Variants in RPTOR observed in about 807,000 individuals in gnomAD.
RPTOR encodes the protein regulatory-associated protein of mTOR.
A neutral mutation model predicts 169.9 loss-of-function variants in RPTOR; 21 were observed. The observed-to-expected ratio is 0.12, with a 90% confidence interval of 0.09 to 0.18. The LOEUF (loss-of-function observed/expected upper bound fraction) is 0.18, where lower values mean the gene tolerates loss of function less well. RPTOR is among the 10% of genes least tolerant of loss of function. RPTOR has a pLI of 1.00. For missense variants in RPTOR, 1,133 were observed against 1,855.9 expected (o/e 0.61, Z 7.16); for synonymous variants, 732 against 753.2 (o/e 0.97, Z 0.46).
chr17:80,799,511 A>G (rs1294635111), intron 7 of RPTOR, among the ~76,000 whole-genome samples: 2 of 152,194 alleles, frequency 1.3e-5, no homozygotes, highest in Admixed American at 6.5e-5. Context: ...AACTCACCAC[A>G]TGGAAATTTC....
chr17:80,817,426 C>T (rs561243680), intron 7 of RPTOR, among the ~76,000 whole-genome samples: 28 of 151,986 alleles, frequency 1.8e-4, no homozygotes, highest in African/African-American at 6.0e-4. Flanking sequence ...TCATGTGTTG[C>T]GTCTCCTGAG....
intron 3 of RPTOR, among the ~76,000 whole-genome samples, chr17:80,671,999 G>A (rs1567849951): frequency 6.6e-6 from 1 of 152,084 alleles, no homozygotes; most frequent in Non-Finnish European, 1.5e-5. Context: ...TGAATCTATT[G>A]CTTCTTTTTA....
chr17:80,855,659 A>G (rs2067843950), intron 12 of RPTOR, 112 bp downstream of exon 12: 1 of 818,034 alleles, frequency 1.2e-6, no homozygotes, highest in African/African-American at 1.7e-5. Context: ...CAGCCGTGAG[A>G]CCCAGGGCGA....
chr17:80,841,157 G>C (rs796302254), intron 10 of RPTOR, among the ~76,000 whole-genome samples: 24 of 62,396 alleles, frequency 3.8e-4, no homozygotes, highest in Non-Finnish European at 6.3e-4. Flanking sequence ...CTCACCGCAC[G>C]GCAGCTCACT....
At chr17:80,892,583 C>T in intron 18 of RPTOR, 146 bp from the exon 19 acceptor site, 1 of 850,282 alleles carries the variant, frequency 1.2e-6, no homozygotes, top group Non-Finnish European at 1.9e-6. Flanking sequence ...TCTGAGTCTC[C>T]CTGAGCTGTG....
intron 10 of RPTOR, among the ~76,000 whole-genome samples, chr17:80,839,089 A>G (rs1306443094): frequency 6.6e-6 from 1 of 152,224 alleles, no homozygotes; most frequent in Admixed American, 6.5e-5. Flanking sequence ...TGCACACCAC[A>G]GCCGTCAGGG....
intron 4 of RPTOR, among the ~76,000 whole-genome samples, chr17:80,716,423 T>A (rs1242376837): frequency 6.6e-6 from 1 of 152,212 alleles, no homozygotes; most frequent in African/African-American, 2.4e-5. Context: ...GGGATTTTTT[T>A]TTCTTGCTGA....
intron 1 of RPTOR, among the ~76,000 whole-genome samples, chr17:80,553,278 G>A (rs2084367155): frequency 6.6e-6 from 1 of 152,202 alleles, no homozygotes; most frequent in Non-Finnish European, 1.5e-5. Flanking sequence ...CCTGGAGGAG[G>A]AGCATCTGCT....
rs541470427 is a variant in RPTOR at position 80,754,699 on chromosome 17, G to A, written c.830+514G>A. On this transcript the variant is annotated intron_variant, in intron 6 of 33. Coordinates refer to ENST00000306801, the MANE Select transcript of RPTOR (RefSeq NM_020761.3). This position sits in a 1 kb window ranked among gnomAD's most constrained non-coding sequence, Gnocchi z 4.2. Reference sequence around the variant, plus strand: ...GTGATATTCCAAGATGGTAGAAGCCGCATTTCAGCCCCAACATCCCCAGCA... The same window carrying A: ...GTGATATTCCAAGATGGTAGAAGCCACATTTCAGCCCCAACATCCCCAGCA... Among the ~76,000 whole-genome samples, 1 of 152,136 alleles carries A rather than the reference G, an allele frequency of 6.6e-6. No individual in the cohort carries two copies. The highest frequency in any genetic ancestry group is 1.5e-5 in the Non-Finnish European group (1 of 68,026).
At chr17:80,893,459 G>T (rs1009232253) in intron 19 of RPTOR, among the ~76,000 whole-genome samples, 1 of 140,610 alleles carries the variant, frequency 7.1e-6, no homozygotes, top group African/African-American at 2.6e-5. Context: ...GTGTATACGC[G>T]CCAGGTTGTG....
chr17:80,634,420 C>CGT (rs142811881), intron 2 of RPTOR, among the ~76,000 whole-genome samples: 1 of 37,244 alleles, frequency 2.7e-5, no homozygotes, highest in Non-Finnish European at 4.8e-5. Flanking sequence ...GTGTGCATAC[C>CGT]GTGTGTGTGT....
rs530112583 is a variant in RPTOR at position 80,827,584 on chromosome 17, C to T, written c.1136+4361C>T. Reference sequence around the variant, plus strand: ...TGGTTGAAAGCAGTCTCAGGTCCCACCTGCACCCCCAGGGAGGGGCCACAC... The same window carrying T: ...TGGTTGAAAGCAGTCTCAGGTCCCATCTGCACCCCCAGGGAGGGGCCACAC... On this transcript the variant is annotated intron_variant, in intron 9 of 33. Coordinates refer to ENST00000306801, the MANE Select transcript of RPTOR (RefSeq NM_020761.3). Among the ~76,000 whole-genome samples, 66 of 152,278 alleles carry T rather than the reference C, an allele frequency of 4.3e-4. No homozygotes were observed. In the East Asian group the frequency reaches 0.012, roughly 28 times the overall value.
At chr17:80,667,070 A>G (rs758791867) in intron 3 of RPTOR, among the ~76,000 whole-genome samples, 1 of 152,140 alleles carries the variant, frequency 6.6e-6, no homozygotes, top group Non-Finnish European at 1.5e-5. Flanking sequence ...TAACCCCGGG[A>G]GGAAGGCGTT....
intron 24 of RPTOR, among the ~76,000 whole-genome samples, chr17:80,938,272 C>G (rs889404608): frequency 1.3e-5 from 2 of 152,228 alleles, no homozygotes; most frequent in Non-Finnish European, 2.9e-5. Context: ...TTTCTACCCC[C>G]CACGTCTGGA....
At chr17:80,964,195 G>GCCC in intron 33 of RPTOR, 67 bp from the exon 34 acceptor site, 29 of 1,105,606 alleles carry the variant, frequency 2.6e-5, no homozygotes, top group Middle Eastern at 2.0e-4. Flanking sequence ...GTTGGCCTGC[G>GCCC]CCCCCCCGCC....
chr17:80,931,297 G>A lies in RPTOR; in HGVS notation c.2919+5817G>A, dbSNP rs117634171. ...GGGAAGTGAGTTGCCCAGCAGGGAA[G>A]GGAAGAGGTGCCTCCAAGGAGAGCC... is the stretch of plus-strand genomic sequence containing the variant. On this transcript the variant is annotated intron_variant, in intron 24 of 33. Transcript: ENST00000306801. 1.0e-2 allele frequency among the ~76,000 whole-genome samples: 1,518 copies of A among 152,330 alleles called. 13 individuals carry two copies. The highest frequency in any genetic ancestry group is 0.047 in the South Asian group (228 of 4,826).
At position 80,547,159 on chromosome 17, in the gene RPTOR, G is replaced by T. The variant is rs115215854; in HGVS notation, c.162+1368G>T. 7.9e-3 allele frequency among the ~76,000 whole-genome samples: 1,209 copies of T among 152,212 alleles called. 22 individuals are homozygous for T. The highest frequency in any genetic ancestry group is 0.028 in the African/African-American group (1,146 of 41,518). ...TACTGACTTGGCTTACTTCTAAAAG[G>T]TTAGGAAAATTTGTTTCATCCAAAA... On this transcript the variant is annotated intron_variant, in intron 1 of 33. Transcript: ENST00000306801.
intron 3 of RPTOR, among the ~76,000 whole-genome samples, chr17:80,700,703 G>GTGA (rs2066086901): frequency 8.8e-6 from 1 of 113,008 alleles, no homozygotes; most frequent in East Asian, 2.6e-4. Flanking sequence ...GGTGATGGTG[G>GTGA]TGGTGATGGT....
intron 24 of RPTOR, among the ~76,000 whole-genome samples, chr17:80,926,536 T>C (rs1419994345): frequency 2.6e-5 from 4 of 152,156 alleles, no homozygotes; most frequent in Non-Finnish European, 4.4e-5. Context: ...AGAACGAAAA[T>C]TGAGATTCAC....
Sources: allele counts gnomAD v4.1 joint callset (sites outside exome capture counted in the v4.1 genomes callset), GRCh38; gene constraint gnomAD v4.1.1; non-coding constraint Gnocchi (gnomAD v3.1); transcripts MANE v1.5; gene names NCBI Gene and HGNC (gene_info 2026-07-23, HGNC 2026-07-21).